TAS2R1: variants seen among roughly 807,000 people sequenced by gnomAD.
TAS2R1 encodes the protein taste 2 receptor member 1.
For missense variants in TAS2R1, 370 were observed against 353.4 expected, an observed-to-expected ratio of 1.05 and a Z score of -0.38; for synonymous variants, 141 against 134.2, an observed-to-expected ratio of 1.05 and a Z score of -0.35.
chr5:9,803,854 A>C, the TAS2R1 span, among the ~76,000 whole-genome samples: 1 of 152,204 alleles, frequency 6.6e-6, no homozygotes. Context: ...TTTAGGCAAC[A>C]AATAGCATGA....
chr5:9,892,122 C>T, the TAS2R1 span, among the ~76,000 whole-genome samples: 4 of 152,216 alleles, frequency 2.6e-5, no homozygotes, highest in South Asian at 8.3e-4. Flanking sequence ...ATCCCTTTGA[C>T]CCAGGAGGGG....
chr5:9,774,020 T>A, the TAS2R1 span, among the ~76,000 whole-genome samples: 95 of 152,272 alleles, frequency 6.2e-4, no homozygotes, highest in African/African-American at 2.2e-3. Context: ...CCCTATCTCT[T>A]TTTCCACCTC....
the TAS2R1 span, among the ~76,000 whole-genome samples, chr5:9,819,297 G>A: frequency 1.3e-5 from 2 of 152,158 alleles, no homozygotes; most frequent in Non-Finnish European, 1.5e-5. Flanking sequence ...GGTCACCATC[G>A]CTCAGAGATG....
the TAS2R1 span, among the ~76,000 whole-genome samples, chr5:9,777,467 G>C: frequency 6.6e-6 from 1 of 152,142 alleles, no homozygotes; most frequent in Non-Finnish European, 1.5e-5. Context: ...GCATCTTCGG[G>C]CTCCACTTCG....
At chr5:9,780,553 A>G in the TAS2R1 span, among the ~76,000 whole-genome samples, 1 of 152,206 alleles carries the variant, frequency 6.6e-6, no homozygotes, top group African/African-American at 2.4e-5. Flanking sequence ...TTAAGAAGTC[A>G]GGAGAAGGGG....
At chr5:9,842,143 G>C in the TAS2R1 span, among the ~76,000 whole-genome samples, 1 of 151,504 alleles carries the variant, frequency 6.6e-6, no homozygotes, top group Non-Finnish European at 1.5e-5. Flanking sequence ...TTGTAGATCT[G>C]TGTCTGTCTC....
At chr5:9,851,275 C>G in the TAS2R1 span, among the ~76,000 whole-genome samples, 7 of 152,200 alleles carry the variant, frequency 4.6e-5, no homozygotes, top group African/African-American at 1.7e-4. Flanking sequence ...TTTATTGACT[C>G]AGGTTGTCTT....
At chr5:9,641,797 CA>C (rs1166662973) in intron 2 of TAS2R1, 1 of 152,166 alleles carries the variant, frequency 6.6e-6, no homozygotes, top group Non-Finnish European at 1.5e-5. Flanking sequence ...GGTCTTTAAA[CA>C]GTTTGTTTTA....
chr5:9,653,308 C>A (rs1321625833), intron 2 of TAS2R1, among the ~76,000 whole-genome samples: 1 of 152,202 alleles, frequency 6.6e-6, no homozygotes, highest in Non-Finnish European at 1.5e-5. Context: ...GAATTCCCTT[C>A]CTTTTTATCA....
the TAS2R1 span, among the ~76,000 whole-genome samples, chr5:9,725,954 G>T: frequency 1.3e-5 from 2 of 150,398 alleles, no homozygotes; most frequent in Non-Finnish European, 3.0e-5. Flanking sequence ...CTAGCTCAGG[G>T]ATTGTAAATA....
At chr5:9,673,650 A>G (rs1440825946) in intron 1 of TAS2R1, among the ~76,000 whole-genome samples, 1 of 152,022 alleles carries the variant, frequency 6.6e-6, no homozygotes, top group Non-Finnish European at 1.5e-5. Flanking sequence ...GCTGAAAAAA[A>G]AAACAGAATT....
the TAS2R1 span, among the ~76,000 whole-genome samples, chr5:9,811,837 G>A: frequency 6.6e-6 from 1 of 152,046 alleles, no homozygotes; most frequent in African/African-American, 2.4e-5. Flanking sequence ...ATGTGTTTCT[G>A]CCAATCTCTC....
the TAS2R1 span, among the ~76,000 whole-genome samples, chr5:9,813,081 A>T: frequency 6.6e-6 from 1 of 152,200 alleles, no homozygotes; most frequent in Non-Finnish European, 1.5e-5. Context: ...TCAAGTTAAA[A>T]TGAGGTCATT....
chr5:9,690,216 G>A (rs1561379879), intron 1 of TAS2R1, among the ~76,000 whole-genome samples: 1 of 152,128 alleles, frequency 6.6e-6, no homozygotes, highest in Non-Finnish European at 1.5e-5. Context: ...GTAATTTCTG[G>A]AATATATATG....
the TAS2R1 span, among the ~76,000 whole-genome samples, chr5:9,731,359 G>T: frequency 0.019 from 2,905 of 152,116 alleles, 88 homozygotes; most frequent in African/African-American, 0.063. Flanking sequence ...AAACTCAGCC[G>T]CGGCACCCCC....
At chr5:9,643,593 A>G (rs1032607615) in intron 2 of TAS2R1, among the ~76,000 whole-genome samples, 10 of 152,184 alleles carry the variant, frequency 6.6e-5, no homozygotes, top group Non-Finnish European at 7.3e-5. Flanking sequence ...ATTCATAAAA[A>G]ATAAAGTAAT....
At chr5:9,745,842 A>G in the TAS2R1 span, among the ~76,000 whole-genome samples, 1 of 152,352 alleles carries the variant, frequency 6.6e-6, no homozygotes, top group Admixed American at 6.5e-5. Flanking sequence ...AATATCATTC[A>G]GGACATAGGC....
the TAS2R1 span, among the ~76,000 whole-genome samples, chr5:9,899,871 T>C: frequency 6.6e-6 from 1 of 152,122 alleles, no homozygotes; most frequent in South Asian, 2.1e-4. Context: ...GATTACATCA[T>C]TAGAAGGTGG....
chr5:9,726,055 G>A, the TAS2R1 span, among the ~76,000 whole-genome samples: 3 of 150,710 alleles, frequency 2.0e-5, no homozygotes, highest in Admixed American at 6.6e-5. Context: ...TGCACCAATC[G>A]ACACCCTGTA....
Sources: gnomAD v4.1 joint callset for allele counts (sites outside exome capture counted in the v4.1 genomes callset) on GRCh38, gnomAD v4.1.1 for gene constraint, MANE v1.5 for transcripts, NCBI Gene and HGNC (gene_info 2026-07-23, HGNC 2026-07-21) for gene names.